Variants in CABIN1 observed in about 807,000 individuals in gnomAD.
The protein encoded by CABIN1 is calcineurin binding protein 1.
In CABIN1, 133 loss-of-function variants were observed where a neutral mutation model predicts 227.7. The observed-to-expected ratio is 0.58, with a 90% confidence interval of 0.51 to 0.67. CABIN1 has a LOEUF of 0.67. Ranked by LOEUF, CABIN1 falls within the 30% of genes least tolerant of loss-of-function variation. CABIN1 has a pLI of 0.00. For synonymous variants in CABIN1, 1,086 were observed against 1,155.1 expected, an observed-to-expected ratio of 0.94 and a Z score of 1.21; for missense variants, 2,408 against 2,852.5, an observed-to-expected ratio of 0.84 and a Z score of 3.55.
At chr22:24,097,718 G>A (rs1393019746) in intron 25 of CABIN1, among the ~76,000 whole-genome samples, 1 of 152,212 alleles carries the variant, frequency 6.6e-6, no homozygotes, top group African/African-American at 2.4e-5. Context: ...GAGATGCAAG[G>A]GTGCTTCTGA....
intron 24 of CABIN1, among the ~76,000 whole-genome samples, chr22:24,094,653 T>TAA (rs537821503): frequency 6.6e-6 from 1 of 150,854 alleles, no homozygotes; most frequent in South Asian, 2.1e-4. Context: ...CCGTCTCTAC[T>TAA]AAAAATACAA....
chr22:24,160,696 C>T (rs1252476975), intron 29 of CABIN1, among the ~76,000 whole-genome samples: 1 of 152,254 alleles, frequency 6.6e-6, no homozygotes, highest in African/African-American at 2.4e-5. Flanking sequence ...AGCCATGAGC[C>T]ATGGGCCTGG....
chr22:24,037,398 G>T (rs147293036), intron 3 of CABIN1, among the ~76,000 whole-genome samples: 1 of 152,084 alleles, frequency 6.6e-6, no homozygotes, highest in Non-Finnish European at 1.5e-5. Context: ...TAACTCCTGG[G>T]CTCAAGCAGT....
intron 6 of CABIN1, among the ~76,000 whole-genome samples, chr22:24,045,332 G>A (rs776954253): frequency 2.0e-5 from 3 of 152,158 alleles, no homozygotes; most frequent in African/African-American, 4.8e-5. Flanking sequence ...AACACCAGGT[G>A]TGGTAGCTAC....
At position 24,167,006 on chromosome 22, in the gene CABIN1, G is replaced by A; in HGVS notation, c.5375G>A (p.Ser1792Asn). 6.4e-7 allele frequency: 1 copy of A among 1,561,612 alleles called. No homozygotes were observed. Among genetic ancestry groups the A allele is most frequent in the East Asian group, 2.4e-5 (1 of 41,634 alleles). Residue 1792 changes from serine to asparagine, a missense_variant, in exon 32 of 37, where the codon AGC becomes AAC. This residue lies in a region of CABIN1 where 714 missense variants were observed against 773.8 expected (regional missense o/e 0.92). Coordinates refer to ENST00000263119, the MANE Select transcript of CABIN1 (RefSeq NM_012295.4). ...GRPARDRGPESRPTELSLEEL... is the reference protein window; with the variant it reads ...GRPARDRGPENRPTELSLEEL... ...CCCGCAAGGGACCGGGGCCCCGAGA[G>A]CCGGCCCACTGAGCTGTCCCTGGAG... is the stretch of plus-strand genomic sequence containing the variant.
Position 24,055,132 on chromosome 22 carries a change from G to T in CABIN1, c.1066G>T (p.Gly356Cys). Residue 356 changes from glycine to cysteine, a missense_variant, in exon 9 of 37, where the codon GGT becomes TGT. Gly to Cys is a radical substitution (Grantham distance 159). Transcript: ENST00000263119. The part of the protein sequence containing the change: ...ATTSFPLHSP[G>C]LLETGAPVGD... ...AACCAGCTTCCCACTGCACAGTCCT[G>T]GTCTGTTGGAGACAGGCGCTCCTGT... The T allele has an allele frequency of 6.2e-7, 1 of 1,613,330 alleles. No individual in the cohort carries two copies. The highest frequency in any genetic ancestry group is 2.2e-5 in the East Asian group (1 of 44,874).
Position 24,177,279 on chromosome 22 carries a change from T to C in CABIN1, c.6206-225T>C, listed in dbSNP as rs532500561. On this transcript the variant is annotated intron_variant, in intron 35 of 36. Transcript: ENST00000263119. This position sits in a 1 kb window ranked among gnomAD's most constrained non-coding sequence, Gnocchi z 4.4. ...CTGGGCTTTGAGTTCATGGTGTTAC[T>C]GGGTAAGGTTCACAGTCCCAGCACC... is the stretch of plus-strand genomic sequence containing the variant. Among the ~76,000 whole-genome samples the C allele has an allele frequency of 6.6e-6, 1 of 152,286 alleles. No individual in the cohort carries two copies. The highest frequency in any genetic ancestry group is 1.5e-5 in the Non-Finnish European group (1 of 68,012).
chr22:24,025,888 C>T (rs990099214), intron 1 of CABIN1, among the ~76,000 whole-genome samples: 3 of 151,470 alleles, frequency 2.0e-5, no homozygotes, highest in Non-Finnish European at 2.9e-5. Context: ...GGCTGGAGTG[C>T]GGTGGCACAA....
At chr22:24,160,721 T>G (rs913678334) in intron 29 of CABIN1, among the ~76,000 whole-genome samples, 1 of 152,258 alleles carries the variant, frequency 6.6e-6, no homozygotes, top group Non-Finnish European at 1.5e-5. Flanking sequence ...GGCCTTGGCC[T>G]GTTGGCCGGG....
chr22:24,137,629 C>A (rs1229738512), intron 29 of CABIN1, among the ~76,000 whole-genome samples: 1 of 152,228 alleles, frequency 6.6e-6, no homozygotes, highest in Non-Finnish European at 1.5e-5. Context: ...TCGTTTGGGG[C>A]CTCTGTCCTC....
chr22:24,166,844 G>A lies in CABIN1; in HGVS notation c.5213G>A (p.Gly1738Glu). 1 of 1,612,974 alleles carries A rather than the reference G, an allele frequency of 6.2e-7. No homozygotes were observed. Among genetic ancestry groups the A allele is most frequent in the Non-Finnish European group, 8.5e-7 (1 of 1,179,940 alleles). Reference sequence around the variant, plus strand: ...CACCGGCCTGTGGCCATGGATGCAGGAGACAGTGCAGACCAAAGCGGGGAG... The same window carrying A: ...CACCGGCCTGTGGCCATGGATGCAGAAGACAGTGCAGACCAAAGCGGGGAG... The part of the protein sequence containing the change: ...LNHRPVAMDA[G>E]DSADQSGERK... The change falls in exon 32 of 37, where the codon GGA (glycine) becomes GAA (glutamate). Residue 1738 changes from glycine (G) to glutamate (E), a missense_variant. Gly to Glu is a moderately conservative substitution (Grantham distance 98). This residue lies in a region of CABIN1 where 714 missense variants were observed against 773.8 expected (regional missense o/e 0.92). Transcript: ENST00000263119.
At chr22:24,049,246 T>C (rs1052754321) in intron 7 of CABIN1, 26 bp downstream of exon 7, 6 of 1,610,782 alleles carry the variant, frequency 3.7e-6, no homozygotes, top group Middle Eastern at 1.8e-4. Context: ...TCCCATGCCA[T>C]GTGTGCACGC....
chr22:24,157,407 C>T (rs1335183027), intron 29 of CABIN1, among the ~76,000 whole-genome samples: 1 of 152,138 alleles, frequency 6.6e-6, no homozygotes, highest in Non-Finnish European at 1.5e-5. Flanking sequence ...GGGGTGCTGC[C>T]CAGCCGGCCT....
At position 24,166,724 on chromosome 22, in the gene CABIN1, A is replaced by G; in HGVS notation, c.5093A>G (p.Asp1698Gly). The change falls in exon 32 of 37, where the codon GAT becomes GGT. Residue 1698 changes from aspartate to glycine, a missense_variant. By Grantham distance (94) the Asp-to-Gly change is moderately conservative. Coordinates refer to ENST00000263119, the MANE Select transcript of CABIN1 (RefSeq NM_012295.4). ...GTCTCACACAAGGCCAGTCCTGAGG[A>G]TGGCCAGGAGGGCCTCCCCCAGCCG... ...TDVSHKASPEDGQEGLPQPKK... is the reference protein window; with the variant it reads ...TDVSHKASPEGGQEGLPQPKK... 1 of 1,612,814 alleles carries G rather than the reference A, an allele frequency of 6.2e-7. No individual in the cohort carries two copies. The highest frequency in any genetic ancestry group is 8.5e-7 in the Non-Finnish European group (1 of 1,179,962).
At chr22:24,157,161 G>A (rs1423240108) in intron 29 of CABIN1, among the ~76,000 whole-genome samples, 1 of 152,116 alleles carries the variant, frequency 6.6e-6, no homozygotes, top group Non-Finnish European at 1.5e-5. Flanking sequence ...TAGGTTTGTG[G>A]TAGAAGCTGC....
In CABIN1 at chr22:24,119,469, G is replaced by GC; in HGVS notation, c.4404dup (p.Lys1469GlnfsTer34). ...ACCCCAGCCTCTGCTTGCATCCCTG[G>GC]CAAGCCCTCAGCATCCACACCCACC... On this transcript the variant is annotated frameshift_variant, in exon 28 of 37. Coordinates refer to ENST00000263119, the MANE Select transcript of CABIN1 (RefSeq NM_012295.4). LOFTEE classifies it high-confidence loss of function. 1 of 1,614,108 alleles carries GC rather than the reference G, an allele frequency of 6.2e-7. No homozygotes were observed. Among genetic ancestry groups the GC allele is most frequent in the South Asian group, 1.1e-5 (1 of 91,082 alleles).
At chr22:24,035,312 T>C (rs1338846460) in intron 1 of CABIN1, 132 bp from the exon 2 acceptor site, 1 of 647,740 alleles carries the variant, frequency 1.5e-6, no homozygotes, top group Non-Finnish European at 2.8e-6. Context: ...ACCACACCGC[T>C]GTCCCAAGGC....
chr22:24,144,952 A>C (rs1766918086), intron 29 of CABIN1, among the ~76,000 whole-genome samples: 1 of 152,230 alleles, frequency 6.6e-6, no homozygotes, highest in Non-Finnish European at 1.5e-5. Context: ...CACAGGCCCC[A>C]TCACCTAAGT....
chr22:24,044,099 A>C (rs1310944185), intron 6 of CABIN1, among the ~76,000 whole-genome samples: 1 of 152,164 alleles, frequency 6.6e-6, no homozygotes, highest in Admixed American at 6.5e-5. Flanking sequence ...TGGAGGGACA[A>C]GCCCCACCCT....
Sources: allele counts gnomAD v4.1 joint callset (sites outside exome capture counted in the v4.1 genomes callset), GRCh38; gene constraint gnomAD v4.1.1; regional missense constraint gnomAD v4.1.1; non-coding constraint Gnocchi (gnomAD v3.1); transcripts MANE v1.5; gene names NCBI Gene and HGNC (gene_info 2026-07-23, HGNC 2026-07-21).